CDC42: variants seen among roughly 807,000 people sequenced by gnomAD.
The protein encoded by CDC42 is cell division cycle 42.
CDC42 carries 1 observed loss-of-function variant against 20.8 expected under a neutral mutation model. That is an observed-to-expected ratio of 0.05 (90% confidence interval 0.02 to 0.23). CDC42 has a LOEUF of 0.23. Ranked by LOEUF, CDC42 falls within the 10% of genes least tolerant of loss-of-function variation. CDC42 has a pLI of 1.00. For synonymous variants in CDC42, 72 were observed against 84.8 expected (o/e 0.85, Z 0.83); for missense variants, 49 against 227.9 (o/e 0.21, Z 5.05).
At chr1:22,085,574 A>G (rs938478486) in intron 3 of CDC42, among the ~76,000 whole-genome samples, 1 of 152,074 alleles carries the variant, frequency 6.6e-6, no homozygotes, top group Non-Finnish European at 1.5e-5. Flanking sequence ...CCATTTATTT[A>G]TGTCTTCTTT....
At chr1:22,061,532 C>CTTTTTTTTTTT (rs555957608) in intron 1 of CDC42, among the ~76,000 whole-genome samples, 7 of 36,178 alleles carry the variant, frequency 1.9e-4, no homozygotes, top group Non-Finnish European at 3.8e-4. Context: ...ATGTTTCTTT[C>CTTTTTTTTTTT]TTTTTTTTTT....
Position 22,093,396 on chromosome 1 carries a change from A to T in CDC42, c.*1879A>T, listed in dbSNP as rs1426608774. Among the ~76,000 whole-genome samples the T allele has an allele frequency of 6.6e-6, 1 of 152,198 alleles. No individual in the cohort carries two copies. Among genetic ancestry groups the T allele is most frequent in the African/African-American group, 2.4e-5 (1 of 41,444 alleles). On this transcript the variant is annotated 3_prime_UTR_variant, in exon 6 of 6. Transcript: ENST00000656825. ...GCCAAGTTTGGGAATCACCACACCT[A>T]GTTGGTTATCTCAAACTACTACTAT...
intron 1 of CDC42, chr1:22,068,533 C>A (rs989362624): frequency 2.6e-5 from 4 of 152,972 alleles, no homozygotes; most frequent in Non-Finnish European, 5.9e-5. Context: ...GTTTCATCTT[C>A]AATTTCTGCT....
intron 1 of CDC42, among the ~76,000 whole-genome samples, chr1:22,073,025 C>T (rs1020412271): frequency 2.6e-5 from 4 of 152,056 alleles, no homozygotes; most frequent in Non-Finnish European, 4.4e-5. Flanking sequence ...CCATGGGGCA[C>T]GGGAAAATAG....
Position 22,078,434 on chromosome 1 carries a change from C to T in CDC42, c.-45C>T, listed in dbSNP as rs1377500660. ...TGTCTTTAATCTTTTTGCAGGTCAT[C>T]ATCAGATTTGAAATATTTAAAGTGG... On this transcript the variant is annotated 5_prime_UTR_variant, in exon 2 of 6. Coordinates refer to ENST00000656825, the MANE Select transcript of CDC42 (RefSeq NM_001791.4). 7.3e-7 allele frequency: 1 copy of T among 1,372,394 alleles called. No homozygotes were observed. Among genetic ancestry groups the T allele is most frequent in the East Asian group, 2.3e-5 (1 of 43,198 alleles). 85.0% of individuals were successfully genotyped at this position (1,372,394 alleles called of 1,614,324 possible).
At chr1:22,061,129 G>A (rs16826296) in intron 1 of CDC42, among the ~76,000 whole-genome samples, 1,910 of 152,264 alleles carry the variant, frequency 0.013, 16 homozygotes, top group Non-Finnish European at 0.019. Flanking sequence ...AAACCCAGCC[G>A]GGCAGAGTGG....
At chr1:22,074,493 T>A (rs1218581580) in intron 1 of CDC42, among the ~76,000 whole-genome samples, 1 of 152,146 alleles carries the variant, frequency 6.6e-6, no homozygotes, top group Non-Finnish European at 1.5e-5. Flanking sequence ...CATGTCTGAC[T>A]TATATATATT....
chr1:22,095,620 C>T lies in CDC42; in HGVS notation c.*4103C>T, dbSNP rs920461119. On this transcript the variant is annotated 3_prime_UTR_variant, in exon 6 of 6. Coordinates refer to ENST00000656825, the MANE Select transcript of CDC42 (RefSeq NM_001791.4). The stretch of plus-strand genomic sequence containing the variant: ...TGAGTCTTTTTTCAAAGTGCCTCCA[C>T]CTTAAAAAAAATTCCTTATTTTATT... 6.6e-6 allele frequency among the ~76,000 whole-genome samples: 1 copy of T among 152,140 alleles called. No homozygotes were observed. Among genetic ancestry groups the T allele is most frequent in the Non-Finnish European group, 1.5e-5 (1 of 68,022 alleles).
At chr1:22,081,646 C>T (rs1645608901) in intron 2 of CDC42, 76 bp from the exon 3 acceptor site, 1 of 876,558 alleles carries the variant, frequency 1.1e-6, no homozygotes, top group East Asian at 2.4e-5. Context: ...GAAACACTGC[C>T]TTAGCTTAAG....
rs373016657 is a variant in CDC42 at position 22,085,244 on chromosome 1, A to AAAAAAAAAAAG, written c.179-1191_179-1190insAAAAAAGAAAA. Among the ~76,000 whole-genome samples, 49 of 135,894 alleles carry AAAAAAAAAAAG rather than the reference A, an allele frequency of 3.6e-4. 4 individuals are homozygous for AAAAAAAAAAAG. The highest frequency in any genetic ancestry group is 4.6e-4 in the South Asian group (2 of 4,318). The allele number at this position is 135,894 out of a possible 152,430, so 89.2% of individuals were successfully genotyped here. On this transcript the variant is annotated intron_variant, in intron 3 of 5. Coordinates refer to ENST00000656825, the MANE Select transcript of CDC42 (RefSeq NM_001791.4). ...GAGACTCTGTCTAAAAAAAAAAAAA[A>AAAAAAAAAAAG]AAAAGAAAAATCATTTGCCCACATA...
intron 1 of CDC42, among the ~76,000 whole-genome samples, chr1:22,053,645 C>T (rs1645263080): frequency 6.6e-6 from 1 of 152,144 alleles, no homozygotes; most frequent in South Asian, 2.1e-4. Flanking sequence ...TACGTCATCG[C>T]GGTATAAGGA....
At chr1:22,056,678 G>C (rs1433291306) in intron 1 of CDC42, among the ~76,000 whole-genome samples, 1 of 152,160 alleles carries the variant, frequency 6.6e-6, no homozygotes, top group African/African-American at 2.4e-5. Context: ...AAACTCTTCT[G>C]GGACATTGAT....
In CDC42 at chr1:22,085,230, T is replaced by TA. The variant is rs552267987; in HGVS notation, c.179-1191dup. 5.5e-3 allele frequency among the ~76,000 whole-genome samples: 96 copies of TA among 17,488 alleles called. 1 individual carries two copies. The highest frequency in any genetic ancestry group is 0.011 in the African/African-American group (38 of 3,564). 11.5% of individuals were successfully genotyped at this position (17,488 alleles called of 152,430 possible). ...CTGGGTGATAGAGTGAGACTCTGTCTAAAAAAAAAAAAAAAAAAGAAAAAT... is the reference window on the plus strand; with the variant it reads ...CTGGGTGATAGAGTGAGACTCTGTCTAAAAAAAAAAAAAAAAAAAGAAAAAT... On this transcript the variant is annotated intron_variant, in intron 3 of 5. Coordinates refer to ENST00000656825, the MANE Select transcript of CDC42 (RefSeq NM_001791.4).
At chr1:22,076,557 A>T (rs1645552698) in intron 1 of CDC42, among the ~76,000 whole-genome samples, 1 of 152,160 alleles carries the variant, frequency 6.6e-6, no homozygotes, top group African/African-American at 2.4e-5. Context: ...CACTCTTCTT[A>T]TCTGTAAAAT....
At chr1:22,075,810 C>CT (rs1230934455) in intron 1 of CDC42, among the ~76,000 whole-genome samples, 4 of 152,158 alleles carry the variant, frequency 2.6e-5, no homozygotes, top group African/African-American at 4.8e-5. Flanking sequence ...TAGAGCCACT[C>CT]TGACTCCAGA....
chr1:22,088,397 A>G (rs955100691), intron 5 of CDC42, among the ~76,000 whole-genome samples: 1 of 152,246 alleles, frequency 6.6e-6, no homozygotes, highest in Non-Finnish European at 1.5e-5. Flanking sequence ...CAGTATCAAC[A>G]GGTGTATATA....
chr1:22,087,960 C>G (rs1055085140), intron 5 of CDC42, among the ~76,000 whole-genome samples: 3 of 152,170 alleles, frequency 2.0e-5, no homozygotes, highest in Non-Finnish European at 4.4e-5. Context: ...TTATGCTTAA[C>G]TGGGATATCC....
At chr1:22,088,368 T>C (rs764200139) in intron 5 of CDC42, among the ~76,000 whole-genome samples, 2 of 152,248 alleles carry the variant, frequency 1.3e-5, no homozygotes, top group Non-Finnish European at 2.9e-5. Flanking sequence ...AATTGGATGC[T>C]TTTAATGTAA....
rs61584354 is a variant in CDC42 at position 22,084,335 on chromosome 1, GTTTTTTTTTTTTT to G, written c.179-2091_179-2079del. Among the ~76,000 whole-genome samples the G allele has an allele frequency of 6.2e-5, 5 of 80,700 alleles. No individual in the cohort carries two copies. In the East Asian group the frequency reaches 2.1e-3, roughly 34 times the overall value. The allele number at this position is 80,700 out of a possible 152,430, so 52.9% of individuals were successfully genotyped here. ...TTCTTCTGTTCGACACTTATTTCCT[GTTTTTTTTTTTTT>G]TTTTTTTTTTTTAATTGTAGCCATC... is the stretch of plus-strand genomic sequence containing the variant. On this transcript the variant is annotated intron_variant, in intron 3 of 5. Transcript: ENST00000656825.
Sources: allele counts gnomAD v4.1 joint callset (sites outside exome capture counted in the v4.1 genomes callset), GRCh38; gene constraint gnomAD v4.1.1; transcripts MANE v1.5; gene names NCBI Gene and HGNC (gene_info 2026-07-23, HGNC 2026-07-21).